The following NOL4L variants were observed in gnomAD, a reference collection of about 807,000 sequenced individuals.
NOL4L encodes nucleolar protein 4 like, also known as nucleolar protein 4-like.
In NOL4L, 7 loss-of-function variants were observed where a neutral mutation model predicts 64.5. That is an observed-to-expected ratio of 0.11 (90% CI 0.06 to 0.20). The LOEUF is 0.20. Ranked by LOEUF, NOL4L falls within the 10% of genes least tolerant of loss-of-function variation. The pLI is 1.00. For missense variants in NOL4L, 680 were observed against 967.1 expected (o/e 0.70, Z 3.94); for synonymous variants, 413 against 401.0 (o/e 1.03, Z -0.36).
intron 4 of NOL4L, among the ~76,000 whole-genome samples, chr20:32,488,873 T>C (rs952633146): frequency 1.2e-4 from 13 of 105,560 alleles, no homozygotes; most frequent in Admixed American, 5.6e-4. Context: ...CTTTCTTTCT[T>C]TCTTTCTTTC....
chr20:32,461,657 C>T (rs1274005038), intron 5 of NOL4L, among the ~76,000 whole-genome samples: 3 of 151,478 alleles, frequency 2.0e-5, no homozygotes, highest in East Asian at 2.0e-4. Context: ...CTCCTGACCT[C>T]GTGATCCACC....
At chr20:32,540,419 C>A (rs2018633584) in intron 1 of NOL4L, among the ~76,000 whole-genome samples, 1 of 152,224 alleles carries the variant, frequency 6.6e-6, no homozygotes, top group African/African-American at 2.4e-5. Context: ...AGTCCTTGGA[C>A]AGTCTCACAC....
chr20:32,454,308 C>T (rs1379954407), intron 6 of NOL4L, among the ~76,000 whole-genome samples: 2 of 152,220 alleles, frequency 1.3e-5, no homozygotes, highest in African/African-American at 4.8e-5. Context: ...GCGACAGGTC[C>T]GTTCAGCAGG....
intron 4 of NOL4L, chr20:32,509,863 G>C: frequency 7.7e-7 from 1 of 1,304,294 alleles, no homozygotes; most frequent in African/African-American, 1.5e-5. Context: ...GCGGTTTTGT[G>C]CTTCATTCTT....
chr20:32,557,391 A>G (rs35590366), intron 1 of NOL4L, among the ~76,000 whole-genome samples: 3,975 of 152,346 alleles, frequency 0.026, 172 homozygotes, highest in African/African-American at 0.089. Context: ...TACTGCTTAT[A>G]CAGAAGAGAC....
At chr20:32,500,876 T>C (rs1438128773) in intron 4 of NOL4L, among the ~76,000 whole-genome samples, 3 of 152,160 alleles carry the variant, frequency 2.0e-5, no homozygotes, top group African/African-American at 7.2e-5. Flanking sequence ...TGAATGATCA[T>C]CAAAGCATAA....
At chr20:32,535,609 G>A (rs1156538481) in intron 1 of NOL4L, 2 of 985,348 alleles carry the variant, frequency 2.0e-6, no homozygotes, top group Non-Finnish European at 2.4e-6. Flanking sequence ...GGACCAAAAC[G>A]CACACCCCAG....
rs1170067452 is a variant in NOL4L at position 32,489,027 on chromosome 20, T to C, written c.700-14285A>G. On this transcript the variant is annotated intron_variant, in intron 4 of 10. Coordinates refer to ENST00000621426, the MANE Select transcript of NOL4L (RefSeq NM_001256798.2). ...AATAAGGAAAATTAATCTTTTGTCA[T>C]GTATTTTGCAAATATGTTTTCCTTT... 2.7e-5 allele frequency among the ~76,000 whole-genome samples: 4 copies of C among 147,372 alleles called. No homozygotes were observed. The Admixed American group carries it at 2.7e-4, about 10-fold the overall frequency.
chr20:32,473,727 G>A (rs912583040), intron 5 of NOL4L, among the ~76,000 whole-genome samples: 1 of 152,026 alleles, frequency 6.6e-6, no homozygotes, highest in African/African-American at 2.4e-5. Context: ...TTTTTAATCC[G>A]CACCTCCCTC....
chr20:32,563,366 TGG>T (rs1291807584), intron 1 of NOL4L, among the ~76,000 whole-genome samples: 9 of 151,400 alleles, frequency 5.9e-5, no homozygotes, highest in Admixed American at 2.0e-4. Context: ...ATACCTGCCC[TGG>T]GTCAGGCCCT....
At position 32,452,228 on chromosome 20, in the gene NOL4L, C is replaced by T. The variant is rs2236156; in HGVS notation, c.1822+8G>A. On this transcript the variant is annotated splice_region_variant and intron_variant, in intron 10 of 10. Coordinates refer to ENST00000621426, the MANE Select transcript of NOL4L (RefSeq NM_001256798.2). ...GGGAAGCCAGAGCCCAGGCCTCCCC[C>T]GACTCACCATTACTGTGGTTTCCTG... The T allele has an allele frequency of 1.4e-3, 2,194 of 1,520,900 alleles. 69 individuals carry two copies. In the East Asian group the frequency reaches 0.049, roughly 34 times the overall value. The allele number at this position is 1,520,900 out of a possible 1,614,324, so 94.2% of individuals were successfully genotyped here. A position where few individuals can be genotyped will look rare whatever the true frequency, so the allele number is the denominator to read the frequency against.
intron 1 of NOL4L, among the ~76,000 whole-genome samples, chr20:32,572,202 G>A (rs1218067793): frequency 2.0e-5 from 3 of 152,120 alleles, no homozygotes; most frequent in Non-Finnish European, 4.4e-5. Flanking sequence ...TGTGCTCTTG[G>A]GCATCTTACT....
intron 1 of NOL4L, among the ~76,000 whole-genome samples, chr20:32,563,398 C>G (rs1297273382): frequency 6.6e-6 from 1 of 151,838 alleles, no homozygotes; most frequent in East Asian, 1.9e-4. Flanking sequence ...ACATGGCCAA[C>G]CAGTATCTCG....
chr20:32,513,530 GTGA>G (rs950718531), intron 3 of NOL4L, among the ~76,000 whole-genome samples: 22 of 152,158 alleles, frequency 1.4e-4, no homozygotes, highest in African/African-American at 5.3e-4. Flanking sequence ...ATAGATAGTG[GTGA>G]TGATTGCTCA....
intron 4 of NOL4L, among the ~76,000 whole-genome samples, chr20:32,506,610 G>A (rs563347085): frequency 3.5e-4 from 53 of 152,198 alleles, no homozygotes; most frequent in African/African-American, 1.2e-3. Flanking sequence ...GCAGTGAGCC[G>A]AGATCGCGCC....
Position 32,464,900 on chromosome 20 carries a change from C to A in NOL4L, c.842-8505G>T. On this transcript the variant is annotated intron_variant, in intron 5 of 10. Transcript: ENST00000621426. The surrounding 1 kb of genome is among the most constrained non-coding windows in gnomAD (Gnocchi z 5.6). ...CACCTTCTTCTTTCCTACGGAGCCG[C>A]TGAGACGCAGCGTGTATTGCACACC... 2.3e-6 allele frequency: 1 copy of A among 427,446 alleles called. No individual in the cohort carries two copies. The highest frequency in any genetic ancestry group is 4.3e-6 in the Non-Finnish European group (1 of 232,558). The allele number at this position is 427,446 out of a possible 1,614,324, so 26.5% of individuals were successfully genotyped here. A position where few individuals can be genotyped will look rare whatever the true frequency, so the allele number is the denominator to read the frequency against.
Position 32,447,480 on chromosome 20 carries a change from T to A in NOL4L, c.*116A>T. ...TGCTTGGAGTGTGGCTAGAAACAGC[T>A]CTTTTGGATCCCACCTCTTTCAAAA... On this transcript the variant is annotated 3_prime_UTR_variant, in exon 11 of 11. Coordinates refer to ENST00000621426, the MANE Select transcript of NOL4L (RefSeq NM_001256798.2). The A allele has an allele frequency of 7.7e-7, 1 of 1,301,058 alleles. No homozygotes were observed. The highest frequency in any genetic ancestry group is 1.0e-6 in the Non-Finnish European group (1 of 992,612). The allele number at this position is 1,301,058 out of a possible 1,614,324, so 80.6% of individuals were successfully genotyped here.
rs1173768748 is a variant in NOL4L, at chr20:32,463,248, TG to T, written c.842-6854del. 1.3e-5 allele frequency among the ~76,000 whole-genome samples: 2 copies of T among 152,158 alleles called. No individual in the cohort carries two copies. Among genetic ancestry groups the T allele is most frequent in the Non-Finnish European group, 2.9e-5 (2 of 68,006 alleles). ...TGGATGGACCCTCCACACCTGGAGC[TG>T]GAAGTGGAACCTAAGGGTGCCCAGG... On this transcript the variant is annotated intron_variant, in intron 5 of 10. Coordinates refer to ENST00000621426, the MANE Select transcript of NOL4L (RefSeq NM_001256798.2). This position sits in a 1 kb window ranked among gnomAD's most constrained non-coding sequence, Gnocchi z 5.8.
chr20:32,455,419 ACT>A (rs575686201), intron 6 of NOL4L, among the ~76,000 whole-genome samples: 4 of 152,074 alleles, frequency 2.6e-5, no homozygotes, highest in African/African-American at 4.8e-5. Context: ...CACCTACTCC[ACT>A]CTCTCTGCAG....
Sources: gnomAD v4.1 joint callset for allele counts (sites outside exome capture counted in the v4.1 genomes callset) on GRCh38, gnomAD v4.1.1 for gene constraint, Gnocchi (gnomAD v3.1) non-coding constraint, MANE v1.5 for transcripts, NCBI Gene and HGNC (gene_info 2026-07-23, HGNC 2026-07-21) for gene names.